Variants in SPOCK1 observed in about 807,000 individuals in gnomAD.
SPOCK1 encodes the protein SPARC (osteonectin), cwcv and kazal like domains proteoglycan 1.
In SPOCK1, 23 loss-of-function variants were observed where a neutral mutation model predicts 55.3. The observed-to-expected ratio is 0.42, with a 90% confidence interval of 0.30 to 0.59. SPOCK1 has a LOEUF of 0.59. SPOCK1 is among the 20% of genes least tolerant of loss of function. The probability of loss-of-function intolerance (pLI) is 0.22; values close to 1 mark genes in which losing one functional copy is unlikely to be tolerated. For synonymous variants in SPOCK1, 226 were observed against 221.0 expected (o/e 1.02, Z -0.20); for missense variants, 499 against 552.5 (o/e 0.90, Z 0.97).
At chr5:137,243,257 C>T (rs1756323189) in intron 3 of SPOCK1, among the ~76,000 whole-genome samples, 1 of 152,088 alleles carries the variant, frequency 6.6e-6, no homozygotes, top group Non-Finnish European at 1.5e-5. Flanking sequence ...ACGCTGAGGC[C>T]TTAAGATGCC....
At chr5:137,447,403 T>C (rs944703627) in intron 2 of SPOCK1, among the ~76,000 whole-genome samples, 2 of 152,208 alleles carry the variant, frequency 1.3e-5, no homozygotes, top group African/African-American at 4.8e-5. Flanking sequence ...CCCAAACCAG[T>C]GGTCCTCTAC....
intron 3 of SPOCK1, among the ~76,000 whole-genome samples, chr5:137,170,531 C>T (rs1370810290): frequency 3.3e-5 from 5 of 151,822 alleles, no homozygotes; most frequent in African/African-American, 1.2e-4. Flanking sequence ...AGTAGAGCTA[C>T]CATGATCACA....
chr5:137,044,210 G>A (rs750622803), intron 6 of SPOCK1, among the ~76,000 whole-genome samples: 13 of 152,176 alleles, frequency 8.5e-5, no homozygotes, highest in Non-Finnish European at 1.0e-4. Context: ...TCTAAGTGAC[G>A]CATCAGGAGT....
At chr5:137,209,226 A>C (rs1755568113) in intron 3 of SPOCK1, among the ~76,000 whole-genome samples, 1 of 152,130 alleles carries the variant, frequency 6.6e-6, no homozygotes, top group Admixed American at 6.5e-5. Flanking sequence ...ATCCCACACC[A>C]TGGTAGGAAT....
At chr5:137,095,684 C>T (rs1313816025) in intron 5 of SPOCK1, among the ~76,000 whole-genome samples, 1 of 152,178 alleles carries the variant, frequency 6.6e-6, no homozygotes, top group Non-Finnish European at 1.5e-5. Flanking sequence ...TGGCAAGCAG[C>T]TCAGTAAAGC....
chr5:137,243,988 C>A (rs1756344869), intron 3 of SPOCK1, among the ~76,000 whole-genome samples: 1 of 152,136 alleles, frequency 6.6e-6, no homozygotes, highest in Non-Finnish European at 1.5e-5. Flanking sequence ...AATAAGGTGG[C>A]AATGGCCCTC....
At chr5:137,225,548 A>C (rs1202992050) in intron 3 of SPOCK1, among the ~76,000 whole-genome samples, 1 of 152,156 alleles carries the variant, frequency 6.6e-6, no homozygotes, top group Non-Finnish European at 1.5e-5. Context: ...AAACATGTTC[A>C]CCCATACTCA....
intron 3 of SPOCK1, among the ~76,000 whole-genome samples, chr5:137,146,389 A>G (rs1171715004): frequency 2.6e-5 from 4 of 152,212 alleles, no homozygotes; most frequent in Admixed American, 6.5e-5. Flanking sequence ...TCCTCAGGCC[A>G]GAGGCCACTC....
intron 2 of SPOCK1, among the ~76,000 whole-genome samples, chr5:137,431,016 C>G (rs915787335): frequency 6.6e-6 from 1 of 152,166 alleles, no homozygotes; most frequent in African/African-American, 2.4e-5. Context: ...GCCCTTATTT[C>G]TTCTCCCCAT....
At chr5:137,429,860 A>G (rs933902348) in intron 2 of SPOCK1, among the ~76,000 whole-genome samples, 1 of 152,212 alleles carries the variant, frequency 6.6e-6, no homozygotes, top group Non-Finnish European at 1.5e-5. Context: ...GACCACTTAA[A>G]TCTTACAACA....
chr5:137,276,599 G>A (rs944145231), intron 2 of SPOCK1, among the ~76,000 whole-genome samples: 26 of 152,184 alleles, frequency 1.7e-4, no homozygotes, highest in Non-Finnish European at 2.6e-4. Flanking sequence ...ATCCAACCTC[G>A]GCTGGTTTTT....
chr5:137,366,587 G>T (rs1246905926), intron 2 of SPOCK1, among the ~76,000 whole-genome samples: 1 of 152,152 alleles, frequency 6.6e-6, no homozygotes, highest in Non-Finnish European at 1.5e-5. Flanking sequence ...CTGGAGTCCT[G>T]CCCCACCCCA....
intron 3 of SPOCK1, among the ~76,000 whole-genome samples, chr5:137,233,238 T>C (rs1355408730): frequency 6.6e-6 from 1 of 152,194 alleles, no homozygotes; most frequent in African/African-American, 2.4e-5. Context: ...TATGAAATAA[T>C]TATACAACTC....
chr5:137,418,112 T>C (rs958652480), intron 2 of SPOCK1, among the ~76,000 whole-genome samples: 3 of 152,222 alleles, frequency 2.0e-5, no homozygotes, highest in Admixed American at 6.5e-5. Flanking sequence ...GCTTCATCCA[T>C]GTCCCTACAA....
intron 2 of SPOCK1, among the ~76,000 whole-genome samples, chr5:137,351,001 T>A (rs1750667408): frequency 6.6e-6 from 1 of 152,182 alleles, no homozygotes. Context: ...CTCAGCGGAA[T>A]GTAGGTAGTC....
chr5:137,384,563 C>CATATATATATATATATATATATATAT (rs368458010), intron 2 of SPOCK1, among the ~76,000 whole-genome samples: 1 of 133,474 alleles, frequency 7.5e-6, no homozygotes, highest in African/African-American at 3.5e-5. Flanking sequence ...TACATACATA[C>CATATATATATATATATATATATATAT]ATATATATAT....
At chr5:137,176,335 T>C (rs796815297) in intron 3 of SPOCK1, among the ~76,000 whole-genome samples, 27 of 152,082 alleles carry the variant, frequency 1.8e-4, no homozygotes, top group African/African-American at 5.3e-4. Flanking sequence ...GTGAACACAA[T>C]AGCAAGGGGG....
intron 6 of SPOCK1, among the ~76,000 whole-genome samples, chr5:136,999,580 A>G (rs1751109304): frequency 6.6e-6 from 1 of 152,216 alleles, no homozygotes; most frequent in African/African-American, 2.4e-5. Context: ...TGATGACTTC[A>G]AGGGCTGAAT....
At chr5:137,318,954 G>A (rs1316634082) in intron 2 of SPOCK1, among the ~76,000 whole-genome samples, 6 of 152,206 alleles carry the variant, frequency 3.9e-5, no homozygotes, top group African/African-American at 7.2e-5. Flanking sequence ...GACAGAAGAC[G>A]TTTAATAGAT....
Sources: gnomAD v4.1 joint callset for allele counts (sites outside exome capture counted in the v4.1 genomes callset) on GRCh38, gnomAD v4.1.1 for gene constraint, MANE v1.5 for transcripts, NCBI Gene and HGNC (gene_info 2026-07-23, HGNC 2026-07-21) for gene names.